The following COL4A5 variants were observed in gnomAD, a reference collection of about 807,000 sequenced individuals.
The protein encoded by COL4A5 is collagen type IV alpha 5 chain.
In COL4A5, 26 loss-of-function variants were observed where a neutral mutation model predicts 130.2. The observed-to-expected ratio is 0.20, with a 90% CI of 0.15 to 0.28. The LOEUF is 0.28. Among genes scored for constraint, COL4A5 ranks in the 10% least tolerant of loss-of-function variants. The pLI is 1.00. For missense variants in COL4A5, 1,131 were observed against 1,344.3 expected, an observed-to-expected ratio of 0.84 and a Z score of 2.48; for synonymous variants, 496 against 439.6, an observed-to-expected ratio of 1.13 and a Z score of -1.60.
chrX:108,652,117 A>T (rs995640027), intron 36 of COL4A5, among the ~76,000 whole-genome samples: 1 of 111,862 alleles, frequency 8.9e-6, no homozygotes, highest in Non-Finnish European at 1.9e-5. Context: ...ACACAAGAAC[A>T]TGAAGAAATT....
At chrX:108,559,305 T>A (rs1330488930) in intron 3 of COL4A5, 152 bp downstream of exon 3, 2 of 496,922 alleles carry the variant, frequency 4.0e-6, no homozygotes, top group Non-Finnish European at 3.5e-6. Context: ...TGTACTTTAT[T>A]GTATTTTGTT....
chrX:108,495,764 A>C (rs184866447), intron 1 of COL4A5, among the ~76,000 whole-genome samples: 9 of 112,100 alleles, frequency 8.0e-5, no homozygotes, highest in Non-Finnish European at 1.5e-4. Flanking sequence ...CTCTTTCCCA[A>C]CCACTCCTGT....
At chrX:108,536,260 TGTG>T (rs1258804965) in intron 1 of COL4A5, among the ~76,000 whole-genome samples, 2 of 88,620 alleles carry the variant, frequency 2.3e-5, no homozygotes, top group Admixed American at 2.3e-4. Flanking sequence ...ATATAGTAGT[TGTG>T]TGTGTGTGTG....
rs1430485836 is a variant in COL4A5, at chrX:108,565,986, T to TC, written c.276+2060_276+2061insC. On this transcript the variant is annotated intron_variant, in intron 4 of 52. Transcript: ENST00000328300. Reference sequence around the variant, plus strand: ...AGCATGAATATCAGGCTATTCTTCTTTTTTTTTTTTTTTTTTGATGTTAGG... The same window carrying TC: ...AGCATGAATATCAGGCTATTCTTCTTCTTTTTTTTTTTTTTTTGATGTTAGG... Among the ~76,000 whole-genome samples, 6 of 85,874 alleles carry TC rather than the reference T, an allele frequency of 7.0e-5. No homozygotes were observed. The East Asian group carries it at 2.4e-3, about 34-fold the overall frequency. 74.6% of individuals were successfully genotyped at this position (85,874 alleles called of 115,157 possible). A position where few individuals can be genotyped will look rare whatever the true frequency, so the allele number is the denominator to read the frequency against.
intron 36 of COL4A5, among the ~76,000 whole-genome samples, chrX:108,644,935 AAAG>A (rs2067548052): frequency 9.2e-6 from 1 of 108,889 alleles, no homozygotes; most frequent in African/African-American, 3.4e-5. Context: ...AAAAAAAAAA[AAAG>A]AAAGCAAAGA....
chrX:108,637,203 G>C (rs2067371852), intron 36 of COL4A5, among the ~76,000 whole-genome samples: 1 of 110,053 alleles, frequency 9.1e-6, no homozygotes, highest in Non-Finnish European at 1.9e-5. Context: ...CGAAGTGCTG[G>C]GATTACAGGC....
At chrX:108,615,168 A>T (rs951797468) in intron 30 of COL4A5, 144 bp downstream of exon 30, 4 of 506,013 alleles carry the variant, frequency 7.9e-6, no homozygotes, top group Non-Finnish European at 7.1e-6. Flanking sequence ...ATAAAAGTGG[A>T]TAAGTACAAG....
At chrX:108,678,340 T>A (rs1168150696) in intron 44 of COL4A5, among the ~76,000 whole-genome samples, 2 of 111,523 alleles carry the variant, frequency 1.8e-5, no homozygotes, top group African/African-American at 6.5e-5. Context: ...TCTAATCTTT[T>A]TCCCCATGCC....
chrX:108,535,336 C>T (rs1219574704), intron 1 of COL4A5, among the ~76,000 whole-genome samples: 1 of 110,353 alleles, frequency 9.1e-6, no homozygotes, highest in Non-Finnish European at 1.9e-5. Context: ...TTTCTTTTGG[C>T]TTTTGCTTAT....
chrX:108,656,246 A>T (rs748956047), intron 37 of COL4A5, among the ~76,000 whole-genome samples: 1 of 111,944 alleles, frequency 8.9e-6, no homozygotes, highest in Admixed American at 9.5e-5. Context: ...AAATTCATAT[A>T]AATGAAATCA....
chrX:108,666,428 G>C (rs1344743658), intron 38 of COL4A5, 68 bp from the exon 39 acceptor site: 1 of 760,149 alleles, frequency 1.3e-6, no homozygotes, highest in Non-Finnish European at 2.0e-6. Flanking sequence ...AAAGAAGGGA[G>C]CATATGGAAG....
chrX:108,638,025 T>C (rs1003250200), intron 36 of COL4A5, among the ~76,000 whole-genome samples: 4 of 110,377 alleles, frequency 3.6e-5, no homozygotes, highest in Admixed American at 9.7e-5. Flanking sequence ...TTTCAAGGTC[T>C]TCCAAAAAAA....
At chrX:108,513,071 G>A (rs1480828423) in intron 1 of COL4A5, among the ~76,000 whole-genome samples, 2 of 111,735 alleles carry the variant, frequency 1.8e-5, no homozygotes, top group Admixed American at 1.9e-4. Flanking sequence ...TGTGAATAAA[G>A]GTGCAGTGAA....
chrX:108,646,968 G>C (rs1348975705), intron 36 of COL4A5, among the ~76,000 whole-genome samples: 3 of 110,253 alleles, frequency 2.7e-5, no homozygotes, highest in Admixed American at 9.6e-5. Context: ...GTACCATGCT[G>C]TTTTGGTGAC....
intron 1 of COL4A5, among the ~76,000 whole-genome samples, chrX:108,492,379 TAAAC>T (rs1196425402): frequency 2.7e-5 from 3 of 111,927 alleles, no homozygotes; most frequent in South Asian, 3.7e-4. Flanking sequence ...AAAAAGTCAC[TAAAC>T]AAACAAACAA....
At chrX:108,563,970 CAG>C in intron 4 of COL4A5, 44 bp downstream of exon 4, 1 of 1,049,910 alleles carries the variant, frequency 9.5e-7, no homozygotes, top group Non-Finnish European at 1.3e-6. Context: ...TTGGTGGAAA[CAG>C]ATAGAGAACA....
intron 1 of COL4A5, among the ~76,000 whole-genome samples, chrX:108,465,479 C>T (rs1407653412): frequency 9.0e-6 from 1 of 111,403 alleles, no homozygotes; most frequent in African/African-American, 3.3e-5. Context: ...CTTTATTTGT[C>T]ATGTTTACAT....
At chrX:108,621,085 TTC>T (rs751680443) in intron 31 of COL4A5, among the ~76,000 whole-genome samples, 9 of 108,173 alleles carry the variant, frequency 8.3e-5, no homozygotes, top group East Asian at 5.8e-4. Flanking sequence ...TCTTTCTCTC[TTC>T]TCTCTTTCTT....
At chrX:108,560,280 A>C (rs1480436306) in intron 3 of COL4A5, among the ~76,000 whole-genome samples, 1 of 111,960 alleles carries the variant, frequency 8.9e-6, no homozygotes, top group South Asian at 3.7e-4. Flanking sequence ...CTTAAGTCTT[A>C]TGATGGATTG....
Sources: allele counts gnomAD v4.1 joint callset (sites outside exome capture counted in the v4.1 genomes callset), GRCh38; gene constraint gnomAD v4.1.1; transcripts MANE v1.5; gene names NCBI Gene and HGNC (gene_info 2026-07-23, HGNC 2026-07-21).